The following HECW1 variants were observed in gnomAD, a reference collection of about 807,000 sequenced individuals.
HECW1 encodes E3 ubiquitin-protein ligase HECW1.
In HECW1, 61 loss-of-function variants were observed where a neutral mutation model predicts 182.3. The ratio of observed to expected loss-of-function variants is 0.33; its 90% CI spans 0.27 to 0.41. The LOEUF is 0.41. Ranked by LOEUF, HECW1 falls within the 10% of genes least tolerant of loss-of-function variation. HECW1 has a pLI of 1.00. For synonymous variants in HECW1, 859 were observed against 832.6 expected (o/e 1.03, Z -0.55); for missense variants, 1,739 against 2,108.9 (o/e 0.82, Z 3.44).
intron 2 of HECW1, among the ~76,000 whole-genome samples, chr7:43,230,306 A>G (rs1384074091): frequency 6.6e-6 from 1 of 152,200 alleles, no homozygotes; most frequent in African/African-American, 2.4e-5. Context: ...AGGCCAGAGA[A>G]TCACTTGAAC....
intron 17 of HECW1, among the ~76,000 whole-genome samples, chr7:43,488,426 GAAAGAAAGAGAA>G (rs1174615696): frequency 6.7e-5 from 7 of 105,078 alleles, no homozygotes; most frequent in Non-Finnish European, 9.6e-5. Flanking sequence ...GAGAGAGAAA[GAAAGAAAGAGAA>G]AGAAAGAAAG....
chr7:43,142,178 C>G (rs1788225117), intron 2 of HECW1, among the ~76,000 whole-genome samples: 1 of 152,108 alleles, frequency 6.6e-6, no homozygotes, highest in Admixed American at 6.5e-5. Flanking sequence ...GCCTGGATAC[C>G]CTGCATCCTC....
At position 43,530,106 on chromosome 7, in the gene HECW1, T is replaced by C. The variant is rs989704589; in HGVS notation, c.4020-11057T>C. Among the ~76,000 whole-genome samples, 105 of 148,666 alleles carry C rather than the reference T, an allele frequency of 7.1e-4. 1 individual carries two copies. Among genetic ancestry groups the C allele is most frequent in the Non-Finnish European group, 1.3e-3 (89 of 67,270 alleles). On this transcript the variant is annotated intron_variant, in intron 24 of 29. Coordinates refer to ENST00000395891, the MANE Select transcript of HECW1 (RefSeq NM_015052.5). ...CTGGGATTACAGGCCTGTGCCACCATGCTTGGCTAATTTTTTTTTTTTTTT... is the reference window on the plus strand; with the variant it reads ...CTGGGATTACAGGCCTGTGCCACCACGCTTGGCTAATTTTTTTTTTTTTTT...
chr7:43,349,130 G>A (rs1814071185), intron 5 of HECW1, among the ~76,000 whole-genome samples: 1 of 152,162 alleles, frequency 6.6e-6, no homozygotes, highest in East Asian at 1.9e-4. Context: ...TGCCTCCCAG[G>A]TTCAAGTGAT....
In HECW1 at chr7:43,142,910, A is replaced by G. The variant is rs1000816507; in HGVS notation, c.-32+28519A>G. Among the ~76,000 whole-genome samples, 4 of 151,380 alleles carry G rather than the reference A, an allele frequency of 2.6e-5. No individual in the cohort carries two copies. In the South Asian group the frequency reaches 8.4e-4, roughly 32 times the overall value. ...CAGGTCCCAGATCTGTAAAATCGAC[A>G]GGTCCCAGGCTGGCTCAGAGTGGTG... is the stretch of plus-strand genomic sequence containing the variant. On this transcript the variant is annotated intron_variant, in intron 2 of 29. Coordinates refer to ENST00000395891, the MANE Select transcript of HECW1 (RefSeq NM_015052.5).
intron 9 of HECW1, chr7:43,439,639 ACTT>A (rs1308415744): frequency 1.3e-5 from 2 of 152,456 alleles, no homozygotes; most frequent in Non-Finnish European, 2.9e-5. Context: ...AAGGAACAGA[ACTT>A]CTCTCTCCAG....
chr7:43,159,184 C>CTT (rs11455925), intron 2 of HECW1, among the ~76,000 whole-genome samples: 13,979 of 149,470 alleles, frequency 0.094, 1,044 homozygotes, highest in African/African-American at 0.2. Context: ...TGTTCATTTT[C>CTT]TTTTTTTTTA....
At chr7:43,482,021 T>C (rs1203493797) in intron 17 of HECW1, among the ~76,000 whole-genome samples, 1 of 149,228 alleles carries the variant, frequency 6.7e-6, no homozygotes, top group Non-Finnish European at 1.5e-5. Context: ...CTAACACATA[T>C]GATGAAAGGG....
intron 17 of HECW1, among the ~76,000 whole-genome samples, chr7:43,483,378 A>G (rs1426776469): frequency 4.7e-5 from 7 of 149,940 alleles, no homozygotes; most frequent in Non-Finnish European, 1.0e-4. Context: ...CATTATGACA[A>G]AACAAAACAG....
intron 24 of HECW1, among the ~76,000 whole-genome samples, chr7:43,525,172 G>A (rs1332747603): frequency 6.6e-6 from 1 of 152,126 alleles, no homozygotes. Context: ...ACAATATCAA[G>A]CCCAATAATC....
intron 19 of HECW1, among the ~76,000 whole-genome samples, chr7:43,493,709 C>A (rs1338867119): frequency 1.3e-5 from 2 of 152,186 alleles, no homozygotes; most frequent in Non-Finnish European, 2.9e-5. Context: ...AGAAAATATT[C>A]CCTGAACTTA....
At chr7:43,300,143 T>G (rs965489251) in intron 3 of HECW1, among the ~76,000 whole-genome samples, 5 of 152,248 alleles carry the variant, frequency 3.3e-5, no homozygotes, top group African/African-American at 1.2e-4. Flanking sequence ...ATCCTTTCAA[T>G]TCCCCCATTC....
At chr7:43,183,433 G>A (rs1162357606) in intron 2 of HECW1, among the ~76,000 whole-genome samples, 2 of 152,124 alleles carry the variant, frequency 1.3e-5, no homozygotes, top group Non-Finnish European at 2.9e-5. Flanking sequence ...ATTAAGAAAA[G>A]TAATTTATCT....
chr7:43,541,211 C>A lies in HECW1; in HGVS notation c.4068C>A (p.Tyr1356Ter), dbSNP rs757284752. 3.7e-6 allele frequency: 6 copies of A among 1,614,092 alleles called. No individual in the cohort carries two copies. The highest frequency in any genetic ancestry group is 5.1e-6 in the Non-Finnish European group (6 of 1,180,036). The stretch of plus-strand genomic sequence containing the variant: ...TGGGTCTGGCTCTGATCCATCAGTA[C>A]CTTCTTGACGCTTTCTTCACGAGGC... ...RILGLALIHQYLLDAFFTRPF... is the reference protein window; with the variant it reads ...RILGLALIHQ Residue 1356 changes from tyrosine to a stop codon, truncating the protein, a stop_gained, in exon 25 of 30, where the codon TAC becomes TAA. Coordinates refer to ENST00000395891, the MANE Select transcript of HECW1 (RefSeq NM_015052.5). LOFTEE classifies it high-confidence loss of function.
At chr7:43,459,532 A>G (rs2077510371) in intron 13 of HECW1, among the ~76,000 whole-genome samples, 2 of 151,856 alleles carry the variant, frequency 1.3e-5, no homozygotes, top group South Asian at 4.2e-4. Flanking sequence ...CTCTACCCCA[A>G]GGATGATTTA....
chr7:43,512,858 G>A (rs73100718), intron 24 of HECW1, among the ~76,000 whole-genome samples: 28,051 of 152,116 alleles, frequency 0.18, 3,010 homozygotes, highest in South Asian at 0.3. Flanking sequence ...GATTGACACG[G>A]TACTCAGCTG....
intron 2 of HECW1, among the ~76,000 whole-genome samples, chr7:43,165,221 A>G (rs1790974214): frequency 1.3e-5 from 2 of 152,238 alleles, no homozygotes; most frequent in African/African-American, 4.8e-5. Context: ...TGTTTATTGA[A>G]ATGTGTCAAT....
At chr7:43,269,219 A>G (rs946980767) in intron 3 of HECW1, among the ~76,000 whole-genome samples, 26 of 152,220 alleles carry the variant, frequency 1.7e-4, no homozygotes, top group African/African-American at 6.0e-4. Flanking sequence ...GCCATCTCCT[A>G]CAACAAGCAT....
intron 2 of HECW1, among the ~76,000 whole-genome samples, chr7:43,157,807 T>C (rs1353725834): frequency 6.6e-6 from 1 of 152,214 alleles, no homozygotes; most frequent in Non-Finnish European, 1.5e-5. Context: ...GCGGTGCACC[T>C]GTCTTGGCCT....
Sources: gnomAD v4.1 joint callset for allele counts (sites outside exome capture counted in the v4.1 genomes callset) on GRCh38, gnomAD v4.1.1 for gene constraint, MANE v1.5 for transcripts, NCBI Gene and HGNC (gene_info 2026-07-23, HGNC 2026-07-21) for gene names.